Variants in IGF2BP3 observed in about 807,000 individuals in gnomAD.
IGF2BP3 encodes the protein insulin-like growth factor 2 mRNA-binding protein 3.
IGF2BP3 carries 9 observed loss-of-function variants against 73.8 expected under a neutral mutation model. The observed-to-expected ratio is 0.12, with a 90% CI of 0.07 to 0.21. The LOEUF (loss-of-function observed/expected upper bound fraction) is 0.21, where lower values mean the gene tolerates loss of function less well. IGF2BP3 is among the 10% of genes least tolerant of loss of function. The probability of loss-of-function intolerance (pLI) is 1.00; values close to 1 mark genes in which losing one functional copy is unlikely to be tolerated. For synonymous variants in IGF2BP3, 258 were observed against 256.7 expected (o/e 1.01, Z -0.05); for missense variants, 542 against 714.0 (o/e 0.76, Z 2.75).
intron 3 of IGF2BP3, chr7:23,414,605 G>A (rs1418002911): frequency 6.6e-6 from 1 of 152,364 alleles, no homozygotes; most frequent in Non-Finnish European, 1.5e-5. Context: ...GGTATATGAG[G>A]CATTAGGGCA....
intron 2 of IGF2BP3, among the ~76,000 whole-genome samples, chr7:23,445,787 T>C (rs535110995): frequency 1.3e-5 from 2 of 152,252 alleles, no homozygotes; most frequent in South Asian, 4.2e-4. Context: ...ATAAGTGACA[T>C]ACACAACATA....
At chr7:23,383,406 G>A (rs1250726845) in intron 3 of IGF2BP3, among the ~76,000 whole-genome samples, 2 of 152,116 alleles carry the variant, frequency 1.3e-5, no homozygotes, top group African/African-American at 4.8e-5. Context: ...TAGTCATCAG[G>A]CAAATGCAGA....
rs548198328 is a variant in IGF2BP3 at position 23,469,701 on chromosome 7, G to A, written c.175+235C>T. ...CCTTAGCCAGCGCCGGGGCTTTCTT[G>A]ACAGCGCGTTCGCCCTCACCCAGCA... is the stretch of plus-strand genomic sequence containing the variant. On this transcript the variant is annotated intron_variant, in intron 1 of 14. Coordinates refer to ENST00000258729, the MANE Select transcript of IGF2BP3 (RefSeq NM_006547.3). This position sits in a 1 kb window ranked among gnomAD's most constrained non-coding sequence, Gnocchi z 6.1. 6.6e-6 allele frequency among the ~76,000 whole-genome samples: 1 copy of A among 151,734 alleles called. No individual in the cohort carries two copies. Among genetic ancestry groups the A allele is most frequent in the Admixed American group, 6.6e-5 (1 of 15,260 alleles).
chr7:23,325,282 A>T (rs1318956794), intron 10 of IGF2BP3, among the ~76,000 whole-genome samples: 1 of 152,150 alleles, frequency 6.6e-6, no homozygotes, highest in Non-Finnish European at 1.5e-5. Flanking sequence ...TCAATAACAG[A>T]CAAACAGAGA....
At chr7:23,317,825 T>G in intron 11 of IGF2BP3, 112 bp from the exon 12 acceptor site, 1 of 849,676 alleles carries the variant, frequency 1.2e-6, no homozygotes, top group Non-Finnish European at 2.0e-6. Flanking sequence ...AATTAAAGCC[T>G]TCGTGAAGGA....
chr7:23,321,712 A>C (rs566695425), intron 10 of IGF2BP3, among the ~76,000 whole-genome samples: 3 of 152,234 alleles, frequency 2.0e-5, no homozygotes, highest in Non-Finnish European at 4.4e-5. Context: ...CTCCCAGCAC[A>C]CAGCTAGAGC....
intron 3 of IGF2BP3, among the ~76,000 whole-genome samples, chr7:23,368,326 G>GAAAAGAAAGAAA (rs1274710730): frequency 5.1e-4 from 46 of 89,696 alleles, no homozygotes; most frequent in African/African-American, 2.1e-3. Flanking sequence ...GAGAGAGAAA[G>GAAAAGAAAGAAA]AAAAGAAAGA....
At chr7:23,314,413 T>TG (rs1583870162) in intron 12 of IGF2BP3, among the ~76,000 whole-genome samples, 1 of 151,930 alleles carries the variant, frequency 6.6e-6, no homozygotes, top group Non-Finnish European at 1.5e-5. Context: ...CTCGAACTCC[T>TG]GACTTCAAGT....
At chr7:23,422,562 C>T (rs559451364) in intron 2 of IGF2BP3, among the ~76,000 whole-genome samples, 5 of 152,288 alleles carry the variant, frequency 3.3e-5, no homozygotes, top group Admixed American at 3.3e-4. Context: ...CTCACACACG[C>T]ACACAAAGCA....
In IGF2BP3 at chr7:23,319,610, T is replaced by C. The variant is rs1021406274; in HGVS notation, c.1204-356A>G. ...TAAGAGCCCCCTACCACTCTCAAGG[T>C]AGATTCTTAACAAGTAAATGAAATT... On this transcript the variant is annotated intron_variant, in intron 10 of 14. Coordinates refer to ENST00000258729, the MANE Select transcript of IGF2BP3 (RefSeq NM_006547.3). Among the ~76,000 whole-genome samples the C allele has an allele frequency of 2.0e-5, 3 of 152,142 alleles. No individual in the cohort carries two copies. The East Asian group carries it at 5.8e-4, about 29-fold the overall frequency.
At chr7:23,345,259 T>C (rs1040138074) in intron 8 of IGF2BP3, among the ~76,000 whole-genome samples, 6 of 152,230 alleles carry the variant, frequency 3.9e-5, no homozygotes, top group Admixed American at 2.0e-4. Context: ...CTAAGTGTGG[T>C]AGCCTGCCTC....
rs979670185 is a variant in IGF2BP3, at chr7:23,329,106, G to A, written c.1204-9852C>T. Reference sequence around the variant, plus strand: ...CGGGCACCTGTAGTCCCAGCTACTCGGGAGGCTGAGGCAGGAGAATGGCAT... The same window carrying A: ...CGGGCACCTGTAGTCCCAGCTACTCAGGAGGCTGAGGCAGGAGAATGGCAT... On this transcript the variant is annotated intron_variant, in intron 10 of 14. Transcript: ENST00000258729. Among the ~76,000 whole-genome samples, 41 of 151,960 alleles carry A rather than the reference G, an allele frequency of 2.7e-4. 2 individuals are homozygous for A. Among genetic ancestry groups the A allele is most frequent in the African/African-American group, 9.9e-4 (41 of 41,436 alleles).
intron 3 of IGF2BP3, among the ~76,000 whole-genome samples, chr7:23,375,162 A>G (rs1224304638): frequency 1.3e-5 from 2 of 152,116 alleles, no homozygotes; most frequent in Non-Finnish European, 2.9e-5. Flanking sequence ...AATTATCCCC[A>G]TTTCATATAT....
chr7:23,328,332 C>A (rs567255230), intron 10 of IGF2BP3, among the ~76,000 whole-genome samples: 4 of 152,286 alleles, frequency 2.6e-5, no homozygotes, highest in African/African-American at 9.6e-5. Context: ...CTTCAGCCTC[C>A]TGAGTAGCTG....
intron 10 of IGF2BP3, among the ~76,000 whole-genome samples, chr7:23,320,754 C>G (rs1238355985): frequency 1.3e-5 from 2 of 151,010 alleles, no homozygotes; most frequent in Non-Finnish European, 2.9e-5. Context: ...TTGAGACCAG[C>G]CTGGGCAACA....
chr7:23,347,570 C>CTCTT (rs761344027), intron 7 of IGF2BP3, 30 bp downstream of exon 7: 2 of 1,600,724 alleles, frequency 1.2e-6, no homozygotes, highest in Non-Finnish European at 8.5e-7. Flanking sequence ...AAATATCAAC[C>CTCTT]TCTTTCACAG....
chr7:23,470,010 A>G lies in IGF2BP3; in HGVS notation c.101T>C (p.Leu34Pro). 1 of 1,612,910 alleles carries G rather than the reference A, an allele frequency of 6.2e-7. No homozygotes were observed. Among genetic ancestry groups the G allele is most frequent in the Non-Finnish European group, 8.5e-7 (1 of 1,179,728 alleles). The change falls in exon 1 of 15, where the codon CTG becomes CCG. Residue 34 changes from leucine (L) to proline (P), a missense_variant. By Grantham distance (98) the Leu-to-Pro change is moderately conservative. Around this residue, in one of 2 missense-constraint regions of IGF2BP3, gnomAD observed 239 missense variants for 241.9 expected, o/e 0.99. Transcript: ENST00000258729. Reference protein sequence around the residue: ...DAKIPVSGPFLVKTGYAFVDC... With the variant: ...DAKIPVSGPFPVKTGYAFVDC... ...CACGAACGCGTAGCCAGTCTTCACCAGGAAGGGTCCCGACACCGGGATCTT... is the reference window on the plus strand; with the variant it reads ...CACGAACGCGTAGCCAGTCTTCACCGGGAAGGGTCCCGACACCGGGATCTT...
chr7:23,389,139 C>T (rs1380504486), intron 3 of IGF2BP3, among the ~76,000 whole-genome samples: 1 of 149,810 alleles, frequency 6.7e-6, no homozygotes, highest in Non-Finnish European at 1.5e-5. Flanking sequence ...TAAATCAGAA[C>T]AAAAGTGAGA....
intron 10 of IGF2BP3, 36 bp from the exon 11 acceptor site, chr7:23,319,290 T>C: frequency 7.3e-7 from 1 of 1,372,130 alleles, no homozygotes; most frequent in Admixed American, 1.8e-5. Flanking sequence ...CCATGTTTAT[T>C]TGCTACAAAT....
Sources: allele counts gnomAD v4.1 joint callset (sites outside exome capture counted in the v4.1 genomes callset), GRCh38; gene constraint gnomAD v4.1.1; regional missense constraint gnomAD v4.1.1; non-coding constraint Gnocchi (gnomAD v3.1); transcripts MANE v1.5; gene names NCBI Gene and HGNC (gene_info 2026-07-23, HGNC 2026-07-21).